Variants in PRKCA observed in about 807,000 individuals in gnomAD.
PRKCA encodes the protein protein kinase C alpha type.
In PRKCA, 27 loss-of-function variants were observed where a neutral mutation model predicts 87.0. The ratio of observed to expected loss-of-function variants is 0.31; its 90% CI spans 0.23 to 0.43. The LOEUF (loss-of-function observed/expected upper bound fraction) is 0.43. Among genes scored for constraint, PRKCA ranks in the 20% least tolerant of loss-of-function variants. The probability of loss-of-function intolerance (pLI) is 1.00; values close to 1 mark genes in which losing one functional copy is unlikely to be tolerated. For missense variants in PRKCA, 518 were observed against 852.3 expected (o/e 0.61, Z 4.88); for synonymous variants, 329 against 311.1 (o/e 1.06, Z -0.61).
intron 2 of PRKCA, among the ~76,000 whole-genome samples, chr17:66,393,031 A>G (rs890930660): frequency 6.6e-6 from 1 of 152,184 alleles, no homozygotes; most frequent in Non-Finnish European, 1.5e-5. Flanking sequence ...GAAATGATGG[A>G]AAACAAATAC....
chr17:66,605,944 A>G (rs1222802018), intron 3 of PRKCA, among the ~76,000 whole-genome samples: 1 of 152,128 alleles, frequency 6.6e-6, no homozygotes, highest in East Asian at 1.9e-4. Flanking sequence ...TTTGAAGGGG[A>G]TTGAGGAGGA....
At chr17:66,706,936 G>C (rs908062288) in intron 8 of PRKCA, among the ~76,000 whole-genome samples, 2 of 152,156 alleles carry the variant, frequency 1.3e-5, no homozygotes, top group African/African-American at 2.4e-5. Context: ...TTCAAACTGG[G>C]AGAGATGTTT....
rs756356796 is a variant in PRKCA at position 66,343,290 on chromosome 17, G to A, written c.205+37163G>A. On this transcript the variant is annotated intron_variant, in intron 2 of 16. Transcript: ENST00000413366. ...ACACTGTGGGCTGTTCATAATTTTT[G>A]GTACTTAATCCATTTCCTCTCTGCC... is the stretch of plus-strand genomic sequence containing the variant. Among the ~76,000 whole-genome samples, 7 of 152,008 alleles carry A rather than the reference G, an allele frequency of 4.6e-5. No homozygotes were observed. In the South Asian group the frequency reaches 1.5e-3, roughly 32 times the overall value.
intron 2 of PRKCA, among the ~76,000 whole-genome samples, chr17:66,480,460 A>G (rs780156322): frequency 4.6e-5 from 7 of 152,226 alleles, no homozygotes; most frequent in Non-Finnish European, 8.8e-5. Context: ...TTACATAATA[A>G]TGTGACCAGG....
chr17:66,497,975 G>C (rs1048362175), intron 3 of PRKCA, among the ~76,000 whole-genome samples: 2 of 152,130 alleles, frequency 1.3e-5, no homozygotes, highest in Admixed American at 1.3e-4. Flanking sequence ...CATACACACG[G>C]GTTCCACAAA....
intron 2 of PRKCA, among the ~76,000 whole-genome samples, chr17:66,369,087 C>T (rs8067931): frequency 0.016 from 2,470 of 152,228 alleles, 62 homozygotes; most frequent in East Asian, 0.075. Flanking sequence ...AGGCATTAGG[C>T]CAGAGCTGTG....
intron 3 of PRKCA, among the ~76,000 whole-genome samples, chr17:66,569,282 A>G (rs1038961146): frequency 6.6e-6 from 1 of 152,216 alleles, no homozygotes; most frequent in African/African-American, 2.4e-5. Context: ...TGAATTTAAA[A>G]AAAAGGTCAG....
chr17:66,587,885 GTGTGTGTGTGTATATATATATATATA>G (rs1969663838), intron 3 of PRKCA, among the ~76,000 whole-genome samples: 1 of 100,268 alleles, frequency 1.0e-5, no homozygotes, highest in African/African-American at 4.8e-5. Context: ...GTGTGTGTGT[GTGTGTGTGTGTATATATATATATATA>G]TATATATATA....
chr17:66,760,976 C>T (rs1403844017), intron 13 of PRKCA, among the ~76,000 whole-genome samples: 1 of 152,186 alleles, frequency 6.6e-6, no homozygotes, highest in Non-Finnish European at 1.5e-5. Flanking sequence ...AGGGTGGCTA[C>T]TCTAAATAGA....
intron 8 of PRKCA, among the ~76,000 whole-genome samples, chr17:66,730,290 C>G (rs1219564065): frequency 6.6e-6 from 1 of 152,152 alleles, no homozygotes; most frequent in Non-Finnish European, 1.5e-5. Context: ...GCCTAAGAGG[C>G]CACATGGGTT....
intron 2 of PRKCA, among the ~76,000 whole-genome samples, chr17:66,312,200 T>G (rs1416607742): frequency 6.6e-6 from 1 of 152,224 alleles, no homozygotes; most frequent in East Asian, 1.9e-4. Flanking sequence ...CAGGCTGGTC[T>G]TGAACTCCAG....
intron 8 of PRKCA, among the ~76,000 whole-genome samples, chr17:66,700,963 G>A (rs369317242): frequency 6.6e-6 from 1 of 152,014 alleles, no homozygotes; most frequent in Non-Finnish European, 1.5e-5. Flanking sequence ...CCCAGAATTC[G>A]TATGAAGCCA....
intron 16 of PRKCA, among the ~76,000 whole-genome samples, chr17:66,798,776 A>ATGG (rs1975773363): frequency 1.1e-3 from 1 of 928 alleles, no homozygotes; most frequent in African/African-American, 4.3e-3. Flanking sequence ...GGTGGTGGTG[A>ATGG]TGGTGGTGGT....
At chr17:66,350,767 T>G (rs541544791) in intron 2 of PRKCA, among the ~76,000 whole-genome samples, 29 of 152,242 alleles carry the variant, frequency 1.9e-4, no homozygotes, top group Admixed American at 1.8e-3. Context: ...TCAAGCAATC[T>G]GCTTGCCTTG....
chr17:66,332,226 CTTCT>C (rs1906371145), intron 2 of PRKCA, among the ~76,000 whole-genome samples: 1 of 132,610 alleles, frequency 7.5e-6, no homozygotes, highest in Non-Finnish European at 1.5e-5. Context: ...TCCTTCCTTC[CTTCT>C]TTTTTTTTTT....
At chr17:66,523,655 T>C (rs1440303003) in intron 3 of PRKCA, among the ~76,000 whole-genome samples, 2 of 152,156 alleles carry the variant, frequency 1.3e-5, no homozygotes, top group Non-Finnish European at 2.9e-5. Flanking sequence ...CTTCCCTGAA[T>C]ATGGCTGAGA....
At chr17:66,380,178 A>G (rs367632536) in intron 2 of PRKCA, among the ~76,000 whole-genome samples, 2 of 152,152 alleles carry the variant, frequency 1.3e-5, no homozygotes, top group South Asian at 2.1e-4. Context: ...AAGCAAAAAT[A>G]AGAAAGCATT....
intron 2 of PRKCA, among the ~76,000 whole-genome samples, chr17:66,337,914 G>A (rs2143330649): frequency 6.6e-6 from 1 of 151,714 alleles, no homozygotes; most frequent in South Asian, 2.1e-4. Context: ...AAGTCAAAAA[G>A]CCAATTAAAA....
At chr17:66,732,140 AAAC>A (rs1450821325) in intron 8 of PRKCA, among the ~76,000 whole-genome samples, 2 of 151,638 alleles carry the variant, frequency 1.3e-5, no homozygotes, top group African/African-American at 4.8e-5. Flanking sequence ...AAAAAAAAAA[AAAC>A]AACCCAACCC....
Sources: gnomAD v4.1 joint callset for allele counts (sites outside exome capture counted in the v4.1 genomes callset) on GRCh38, gnomAD v4.1.1 for gene constraint, MANE v1.5 for transcripts, NCBI Gene and HGNC (gene_info 2026-07-23, HGNC 2026-07-21) for gene names.